ZNF324B: variants seen among roughly 807,000 people sequenced by gnomAD.
ZNF324B encodes the protein zinc finger protein 324B.
A neutral mutation model predicts 10.6 loss-of-function variants in ZNF324B; 7 were observed. The ratio of observed to expected loss-of-function variants is 0.66; its 90% CI spans 0.38 to 1.24. The LOEUF (loss-of-function observed/expected upper bound fraction) is 1.24, where lower values mean the gene tolerates loss of function less well. Ranked by LOEUF, ZNF324B falls within the 50% of genes most tolerant of loss-of-function variation. The pLI is 0.02. For synonymous variants in ZNF324B, 316 were observed against 321.0 expected (o/e 0.98, Z 0.17); for missense variants, 640 against 764.7 (o/e 0.84, Z 1.92).
the ZNF324B span, chr19:58,439,851 T>C: frequency 5.2e-6 from 8 of 1,534,216 alleles, no homozygotes; most frequent in Non-Finnish European, 6.1e-6. Context: ...GCCCTGCCGC[T>C]GGGCCGAACC....
At chr19:58,439,177 G>A in the ZNF324B span, among the ~76,000 whole-genome samples, 8 of 152,232 alleles carry the variant, frequency 5.3e-5, no homozygotes, top group South Asian at 1.0e-3. Context: ...CTACCTCCAC[G>A]GGCACCCCTC....
At chr19:58,433,433 C>G in the ZNF324B span, 1 of 1,614,014 alleles carries the variant, frequency 6.2e-7, no homozygotes, top group African/African-American at 1.3e-5. Flanking sequence ...TGGTGCCGAA[C>G]AAGTGTAGAT....
At chr19:58,429,209 A>G in the ZNF324B span, 1 of 152,198 alleles carries the variant, frequency 6.6e-6, no homozygotes. Context: ...ATTAGGATGA[A>G]TTGTTTCAAA....
chr19:58,452,752 G>A, intron 1 of ZNF324B: 2 of 667,258 alleles, frequency 3.0e-6, no homozygotes, highest in South Asian at 6.7e-5. Flanking sequence ...AAGGCGATGA[G>A]CAGTCAGGCG....
chr19:58,436,997 A>G, the ZNF324B span: 1 of 1,613,140 alleles, frequency 6.2e-7, no homozygotes, highest in African/African-American at 1.3e-5. Context: ...TCTATGGGGA[A>G]AAGACACAAG....
chr19:58,436,526 G>A, the ZNF324B span, among the ~76,000 whole-genome samples: 5 of 151,896 alleles, frequency 3.3e-5, no homozygotes, highest in African/African-American at 1.2e-4. Flanking sequence ...AAATTAGCTG[G>A]GTGTGGTGGC....
the ZNF324B span, chr19:58,429,592 C>G: frequency 6.6e-6 from 1 of 152,250 alleles, no homozygotes; most frequent in Non-Finnish European, 1.5e-5. Flanking sequence ...GTCTCGATCT[C>G]CTGACCTCAT....
At chr19:58,424,857 A>C in the ZNF324B span, among the ~76,000 whole-genome samples, 129 of 152,284 alleles carry the variant, frequency 8.5e-4, no homozygotes, top group African/African-American at 3.0e-3. Context: ...ATATACCCCC[A>C]AAATTCCACT....
At chr19:58,421,461 G>A in the ZNF324B span, among the ~76,000 whole-genome samples, 127 of 151,608 alleles carry the variant, frequency 8.4e-4, no homozygotes, top group African/African-American at 3.0e-3. Flanking sequence ...CAGTGGTGCA[G>A]TCTTGGCTCC....
At chr19:58,447,469 A>G (rs1599974624), upstream of ZNF324B, among the ~76,000 whole-genome samples, 1 of 152,374 alleles carries the variant, frequency 6.6e-6, no homozygotes, top group East Asian at 1.9e-4. Flanking sequence ...TCAAACAATT[A>G]GCATTTTTCT....
At chr19:58,433,271 G>A in the ZNF324B span, 2 of 1,553,218 alleles carry the variant, frequency 1.3e-6, no homozygotes, top group Non-Finnish European at 1.7e-6. Flanking sequence ...GCTGCATGAA[G>A]TTTGACTTGG....
At chr19:58,449,050 TC>T (rs1345473291), upstream of ZNF324B, among the ~76,000 whole-genome samples, 3 of 152,186 alleles carry the variant, frequency 2.0e-5, no homozygotes, top group Non-Finnish European at 4.4e-5. Flanking sequence ...AAAAATGGTT[TC>T]GTGGGCTCCC....
At chr19:58,437,285 T>TA in the ZNF324B span, 1 of 1,479,546 alleles carries the variant, frequency 6.8e-7, no homozygotes, top group Non-Finnish European at 9.1e-7. Flanking sequence ...AGAATCCTGA[T>TA]ACATCTACCA....
At chr19:58,436,905 A>C in the ZNF324B span, 1 of 1,118,034 alleles carries the variant, frequency 8.9e-7, no homozygotes, top group African/African-American at 1.5e-5. Flanking sequence ...CACACAGCAG[A>C]ACCTCAGCAC....
chr19:58,430,234 A>C, the ZNF324B span: 1 of 152,218 alleles, frequency 6.6e-6, no homozygotes, highest in Non-Finnish European at 1.5e-5. Context: ...TTGGAAGCAG[A>C]GCCTTCCCTA....
In ZNF324B at chr19:58,455,599, G is replaced by A; in HGVS notation, c.655G>A (p.Gly219Ser). 1 of 1,614,086 alleles carries A rather than the reference G, an allele frequency of 6.2e-7. No individual in the cohort carries two copies. The highest frequency in any genetic ancestry group is 2.2e-5 in the East Asian group (1 of 44,886). The change falls in exon 4 of 4, where the codon GGC becomes AGC. Residue 219 changes from glycine to serine, a missense_variant. Gly to Ser is a moderately conservative substitution (Grantham distance 56, BLOSUM62 0). Coordinates refer to ENST00000336614, the MANE Select transcript of ZNF324B (RefSeq NM_207395.3). The surrounding 1 kb of genome is among the most constrained non-coding windows in gnomAD (Gnocchi z 7.0). ...NASDLKAASG[G>S]RDRRMGAAWQ... ...CTCGGACCTGAAGGCCGCCAGTGGT[G>A]GCAGGGATCGCAGAATGGGCGCAGC...
the ZNF324B span, among the ~76,000 whole-genome samples, chr19:58,438,472 A>ATTT: frequency 3.0e-3 from 394 of 129,806 alleles, 9 homozygotes; most frequent in African/African-American, 9.1e-3. Flanking sequence ...TCTAAGGTCA[A>ATTT]TTTTTTTTTT....
intron 2 of ZNF324B, 148 bp downstream of exon 2, chr19:58,453,970 T>C (rs1440388929): frequency 1.6e-6 from 2 of 1,256,792 alleles, no homozygotes; most frequent in African/African-American, 3.0e-5. Flanking sequence ...TTTGGTTGGG[T>C]CAGCCACTCC....
chr19:58,454,199 G>C (rs1218721593), intron 2 of ZNF324B, 29 bp from the exon 3 acceptor site: 2 of 1,499,938 alleles, frequency 1.3e-6, no homozygotes, highest in Admixed American at 3.4e-5. Context: ...TTGACCTGGG[G>C]CTGGGCTCTC....
Sources: allele counts gnomAD v4.1 joint callset (sites outside exome capture counted in the v4.1 genomes callset), GRCh38; gene constraint gnomAD v4.1.1; non-coding constraint Gnocchi (gnomAD v3.1); transcripts MANE v1.5; gene names NCBI Gene and HGNC (gene_info 2026-07-23, HGNC 2026-07-21).